The following CRYBG1 variants were observed in gnomAD, a reference collection of about 807,000 sequenced individuals.
CRYBG1 encodes the protein crystallin beta-gamma domain containing 1, also known as beta/gamma crystallin domain-containing protein 1.
Under a neutral mutation model 189.2 loss-of-function variants are expected in CRYBG1, and 139 were observed. The observed-to-expected ratio is 0.73, with a 90% CI of 0.64 to 0.85. The LOEUF is 0.85. Among genes scored for constraint, CRYBG1 ranks in the 40% least tolerant of loss-of-function variants. CRYBG1 has a pLI of 0.00. For missense variants in CRYBG1, 2,611 were observed against 2,675.8 expected (o/e 0.98, Z 0.53); for synonymous variants, 1,023 against 1,017.1 (o/e 1.01, Z -0.11).
chr6:106,491,991 A>G (rs547515556), intron 2 of CRYBG1, among the ~76,000 whole-genome samples: 1 of 152,138 alleles, frequency 6.6e-6, no homozygotes, highest in African/African-American at 2.4e-5. Flanking sequence ...GCCTTTCCTC[A>G]GTCTGTTCCC....
chr6:106,393,697 T>C (rs1014814067), intron 1 of CRYBG1, among the ~76,000 whole-genome samples: 73 of 109,510 alleles, frequency 6.7e-4, no homozygotes, highest in Non-Finnish European at 1.2e-3. Context: ...TTTTTTTTTT[T>C]AGGAGTCTTG....
chr6:106,564,871 C>G (rs947213615), intron 21 of CRYBG1, among the ~76,000 whole-genome samples: 1 of 139,598 alleles, frequency 7.2e-6, no homozygotes, highest in Non-Finnish European at 1.5e-5. Flanking sequence ...TGTTTTGTAG[C>G]GAACTGGTGA....
chr6:106,517,435 C>T (rs201747651), intron 3 of CRYBG1, among the ~76,000 whole-genome samples: 5 of 124,310 alleles, frequency 4.0e-5, no homozygotes, highest in African/African-American at 6.9e-5. Flanking sequence ...TATATACACA[C>T]ACACATATAT....
intron 2 of CRYBG1, among the ~76,000 whole-genome samples, chr6:106,501,737 G>A (rs558602144): frequency 6.6e-6 from 1 of 152,316 alleles, no homozygotes; most frequent in Non-Finnish European, 1.5e-5. Flanking sequence ...TCATAGAAGT[G>A]TGAAATCTAC....
At chr6:106,375,247 G>T (rs371108212) in intron 1 of CRYBG1, among the ~76,000 whole-genome samples, 1 of 151,990 alleles carries the variant, frequency 6.6e-6, no homozygotes, top group South Asian at 2.1e-4. Flanking sequence ...TTAGCCAGGC[G>T]TGGTGGCATG....
At chr6:106,557,712 C>A (rs1055254054) in intron 17 of CRYBG1, among the ~76,000 whole-genome samples, 9 of 152,126 alleles carry the variant, frequency 5.9e-5, no homozygotes, top group African/African-American at 1.9e-4. Flanking sequence ...GGATGACAGG[C>A]GTAAGCCACC....
At chr6:106,382,103 G>C (rs77283518) in intron 1 of CRYBG1, among the ~76,000 whole-genome samples, 18 of 152,336 alleles carry the variant, frequency 1.2e-4, no homozygotes, top group African/African-American at 4.3e-4. Flanking sequence ...CAGCCAGGGA[G>C]GGGCAGGCTT....
intron 2 of CRYBG1, among the ~76,000 whole-genome samples, chr6:106,467,797 T>C (rs1221297659): frequency 1.3e-5 from 2 of 152,222 alleles, no homozygotes; most frequent in Non-Finnish European, 2.9e-5. Context: ...TTGCCTTTAA[T>C]TGTCCCACTA....
intron 1 of CRYBG1, among the ~76,000 whole-genome samples, chr6:106,378,278 C>T (rs1196210448): frequency 1.3e-5 from 2 of 152,224 alleles, no homozygotes; most frequent in Non-Finnish European, 2.9e-5. Flanking sequence ...CTATTCCTCT[C>T]CAGCTTCTCA....
chr6:106,511,983 C>T lies in CRYBG1; in HGVS notation c.866C>T (p.Ala289Val). 6.5e-7 allele frequency: 1 copy of T among 1,530,218 alleles called. No individual in the cohort carries two copies. The highest frequency in any genetic ancestry group is 1.2e-5 in the South Asian group (1 of 83,546). The allele number at this position is 1,530,218 out of a possible 1,614,324, so 94.8% of individuals were successfully genotyped here. A position where few individuals can be genotyped will look rare whatever the true frequency, so the allele number is the denominator to read the frequency against. ...CCAGGTGCTGGCCACGAACAGGAGG[C>T]TTTCCTGGGTGTGAGGGGTGCGCCA... ...ASPGAGHEQE[A>V]FLGVRGAPGS... The change falls in exon 3 of 22, where the codon GCT becomes GTT. Residue 289 changes from alanine to valine, a missense_variant. Ala to Val is a moderately conservative substitution (Grantham distance 64). Around this residue, in one of 3 missense-constraint regions of CRYBG1, gnomAD observed 985 missense variants for 924.4 expected, o/e 1.07. Transcript: ENST00000633556.
intron 3 of CRYBG1, 149 bp from the exon 4 acceptor site, chr6:106,518,982 C>G: frequency 1.3e-6 from 1 of 764,464 alleles, no homozygotes; most frequent in Non-Finnish European, 2.0e-6. Flanking sequence ...TGCGCACACA[C>G]ACACACACAT....
chr6:106,492,128 G>A (rs1772738044), intron 2 of CRYBG1, among the ~76,000 whole-genome samples: 1 of 152,184 alleles, frequency 6.6e-6, no homozygotes, highest in Non-Finnish European at 1.5e-5. Context: ...AACTCTTAAA[G>A]CATTACGCAT....
intron 7 of CRYBG1, among the ~76,000 whole-genome samples, chr6:106,528,520 T>C (rs1451936427): frequency 2.0e-5 from 3 of 152,194 alleles, no homozygotes; most frequent in African/African-American, 2.4e-5. Context: ...ACAGGTACAA[T>C]GCTGTTCCAC....
At chr6:106,537,843 G>A (rs1207616918) in intron 8 of CRYBG1, among the ~76,000 whole-genome samples, 1 of 152,162 alleles carries the variant, frequency 6.6e-6, no homozygotes, top group East Asian at 1.9e-4. Flanking sequence ...TTTCATGTGT[G>A]TGTTGTCAAA....
Position 106,417,224 on chromosome 6 carries a change from T to C in CRYBG1, c.174-34470T>C, listed in dbSNP as rs542980952. On this transcript the variant is annotated intron_variant, in intron 1 of 21. Coordinates refer to ENST00000633556, the MANE Select transcript of CRYBG1 (RefSeq NM_001371242.2). The stretch of plus-strand genomic sequence containing the variant: ...TTTAATTTCTATATTTAAAAAAATT[T>C]AAAAAGCAGGGCTACAGACTGGCAG... 6.4e-4 allele frequency among the ~76,000 whole-genome samples: 97 copies of C among 152,084 alleles called. 1 individual carries two copies. The South Asian group carries it at 0.019, about 30-fold the overall frequency.
intron 2 of CRYBG1, among the ~76,000 whole-genome samples, chr6:106,464,165 C>T (rs1487422547): frequency 3.9e-5 from 6 of 152,152 alleles, no homozygotes; most frequent in African/African-American, 4.8e-5. Context: ...CCTGTCTAAT[C>T]GAACGCTCTT....
chr6:106,520,170 A>G lies in CRYBG1; in HGVS notation c.2962A>G (p.Thr988Ala), dbSNP rs1773558698. The G allele has an allele frequency of 6.2e-7, 1 of 1,614,036 alleles. No homozygotes were observed. Among genetic ancestry groups the G allele is most frequent in the Admixed American group, 1.7e-5 (1 of 59,988 alleles). ...TGAAGTTAGAGAAGTGCAGTTGCCAACTTGTCACAGTAATGAACCTGAAGT... is the reference window on the plus strand; with the variant it reads ...TGAAGTTAGAGAAGTGCAGTTGCCAGCTTGTCACAGTAATGAACCTGAAGT... ...SSEVREVQLP[T>A]CHSNEPEVVS... Residue 988 changes from threonine to alanine, a missense_variant, in exon 4 of 22, where the codon ACT becomes GCT. Coordinates refer to ENST00000633556, the MANE Select transcript of CRYBG1 (RefSeq NM_001371242.2).
rs553695593 is a variant in CRYBG1, at chr6:106,561,992, G to A, written c.6138+492G>A. On this transcript the variant is annotated intron_variant, in intron 20 of 21. Coordinates refer to ENST00000633556, the MANE Select transcript of CRYBG1 (RefSeq NM_001371242.2). ...TCCTGCATCATTCCTACTATTAACA[G>A]ACACTTAAAAGCTGACTGTAGTAAG... Among the ~76,000 whole-genome samples the A allele has an allele frequency of 1.5e-3, 229 of 152,252 alleles. 1 individual carries two copies. Among genetic ancestry groups the A allele is most frequent in the African/African-American group, 5.3e-3 (222 of 41,536 alleles).
chr6:106,481,916 C>T (rs1209723578), intron 2 of CRYBG1, among the ~76,000 whole-genome samples: 1 of 152,174 alleles, frequency 6.6e-6, no homozygotes, highest in Non-Finnish European at 1.5e-5. Flanking sequence ...CACACGTTTG[C>T]CCCTTTATTA....
Sources: allele counts gnomAD v4.1 joint callset (sites outside exome capture counted in the v4.1 genomes callset), GRCh38; gene constraint gnomAD v4.1.1; regional missense constraint gnomAD v4.1.1; transcripts MANE v1.5; gene names NCBI Gene and HGNC (gene_info 2026-07-23, HGNC 2026-07-21).